PNPLA7: variants seen among roughly 807,000 people sequenced by gnomAD.
The protein encoded by PNPLA7 is patatin like domain 7, lysophospholipase, also known as patatin-like phospholipase domain-containing protein 7.
PNPLA7 carries 153 observed loss-of-function variants against 161.7 expected under a neutral mutation model. The ratio of observed to expected loss-of-function variants is 0.95; its 90% confidence interval spans 0.83 to 1.08. The LOEUF is 1.08. Among genes scored for constraint, PNPLA7 ranks in the 50% least tolerant of loss-of-function variants. The pLI, the probability that PNPLA7 is intolerant of heterozygous loss-of-function variation, is 0.00. For synonymous variants in PNPLA7, 809 were observed against 782.1 expected, an observed-to-expected ratio of 1.03 and a Z score of -0.57; for missense variants, 1,739 against 1,856.6, an observed-to-expected ratio of 0.94 and a Z score of 1.16.
chr9:137,483,381 T>C (rs886104898), intron 21 of PNPLA7, among the ~76,000 whole-genome samples: 1 of 152,368 alleles, frequency 6.6e-6, no homozygotes, highest in African/African-American at 2.4e-5. Flanking sequence ...ATATGTGTCA[T>C]GTAACGACGG....
In PNPLA7 at chr9:137,546,828, A is replaced by G. The variant is rs1182248520; in HGVS notation, c.273+2T>C. 1 of 1,613,596 alleles carries G rather than the reference A, an allele frequency of 6.2e-7. No individual in the cohort carries two copies. Among genetic ancestry groups the G allele is most frequent in the Non-Finnish European group, 8.5e-7 (1 of 1,179,958 alleles). On this transcript the variant is annotated splice_donor_variant, in intron 4 of 34. Coordinates refer to ENST00000406427, the MANE Select transcript of PNPLA7 (RefSeq NM_001098537.3). LOFTEE classifies it high-confidence loss of function. The stretch of plus-strand genomic sequence containing the variant: ...CAGCCTGGGGCCCCGAGCAACAGCT[A>G]CCTTCCTCATGATCTTCCGGCCGTA...
At chr9:137,492,902 AG>A in intron 20 of PNPLA7, 110 bp downstream of exon 20, 2 of 810,422 alleles carry the variant, frequency 2.5e-6, no homozygotes, top group Non-Finnish European at 3.6e-6. Context: ...GCAGGGCTCC[AG>A]GACAGGGCGG....
At chr9:137,535,529 C>G (rs557012261) in intron 8 of PNPLA7, among the ~76,000 whole-genome samples, 4 of 152,112 alleles carry the variant, frequency 2.6e-5, no homozygotes, top group African/African-American at 9.6e-5. Context: ...CCGAGGCAGG[C>G]GGATCACAAG....
Position 137,465,331 on chromosome 9 carries a change from T to C in PNPLA7, c.3040-875A>G, listed in dbSNP as rs978234754. ...CAGGCACACAGCCCCGGCCTCACCTTGCCCCGGCCAGTTCCCAGGGCCCAG... is the reference window on the plus strand; with the variant it reads ...CAGGCACACAGCCCCGGCCTCACCTCGCCCCGGCCAGTTCCCAGGGCCCAG... On this transcript the variant is annotated intron_variant, in intron 26 of 34. Coordinates refer to ENST00000406427, the MANE Select transcript of PNPLA7 (RefSeq NM_001098537.3). Among the ~76,000 whole-genome samples the C allele has an allele frequency of 5.9e-5, 9 of 152,010 alleles. No homozygotes were observed. The East Asian group carries it at 1.7e-3, about 29-fold the overall frequency.
At chr9:137,493,401 C>T (rs1413144814) in intron 19 of PNPLA7, among the ~76,000 whole-genome samples, 1 of 152,254 alleles carries the variant, frequency 6.6e-6, no homozygotes, top group Non-Finnish European at 1.5e-5. Context: ...AGGCAGACAA[C>T]TCCAAGCAAG....
intron 14 of PNPLA7, among the ~76,000 whole-genome samples, chr9:137,504,377 A>G (rs965438120): frequency 6.6e-6 from 1 of 152,168 alleles, no homozygotes; most frequent in Non-Finnish European, 1.5e-5. Flanking sequence ...ACACCCAGCT[A>G]ATTTTTGTAT....
At position 137,521,835 on chromosome 9, in the gene PNPLA7, A is replaced by C. The variant is rs1835009957; in HGVS notation, c.877-119T>G. 5 of 769,262 alleles carry C rather than the reference A, an allele frequency of 6.5e-6. No individual in the cohort carries two copies. In the South Asian group the frequency reaches 9.4e-5, roughly 15 times the overall value. The allele number at this position is 769,262 out of a possible 1,614,324, so 47.7% of individuals were successfully genotyped here. On this transcript the variant is annotated intron_variant, in intron 9 of 34. Coordinates refer to ENST00000406427, the MANE Select transcript of PNPLA7 (RefSeq NM_001098537.3). ...AAACCCTGCAGATGCCACAGACCGA[A>C]CCCTCTCAGGGTGAAAAACCCCGCA...
chr9:137,512,099 T>C (rs1240360595), intron 12 of PNPLA7, among the ~76,000 whole-genome samples: 2 of 152,180 alleles, frequency 1.3e-5, no homozygotes, highest in Non-Finnish European at 2.9e-5. Context: ...CTTAGTCTCG[T>C]GTCTTATTTT....
In PNPLA7 at chr9:137,547,243, A is replaced by G. The variant is rs1836581498; in HGVS notation, c.193+66T>C. 2.5e-5 allele frequency: 38 copies of G among 1,502,712 alleles called. No individual in the cohort carries two copies. The highest frequency in any genetic ancestry group is 3.5e-5 in the Non-Finnish European group (38 of 1,080,942). 93.1% of individuals were successfully genotyped at this position (1,502,712 alleles called of 1,614,324 possible). ...TGAGGGCCCCTCCCAGGGGCTCAAAACACATCCCAAGACACCCACGCTTTC... is the reference window on the plus strand; with the variant it reads ...TGAGGGCCCCTCCCAGGGGCTCAAAGCACATCCCAAGACACCCACGCTTTC... On this transcript the variant is annotated intron_variant, in intron 3 of 34. Transcript: ENST00000406427. The surrounding 1 kb of genome is among the most constrained non-coding windows in gnomAD (Gnocchi z 4.6).
chr9:137,518,746 TCC>T, intron 11 of PNPLA7, among the ~76,000 whole-genome samples: 1 of 52,350 alleles, frequency 1.9e-5, no homozygotes, highest in Non-Finnish European at 3.3e-5. Flanking sequence ...GTCCACTCCA[TCC>T]CCCACTCACT....
chr9:137,500,660 C>A lies in PNPLA7; in HGVS notation c.1757+31G>T, dbSNP rs1833346635. ...GTCTCAGGGCAGGGGGGGCTGGGGC[C>A]CGCCCTGAGGTCCTGGCCCGTGGGA... On this transcript the variant is annotated intron_variant, in intron 16 of 34. Coordinates refer to ENST00000406427, the MANE Select transcript of PNPLA7 (RefSeq NM_001098537.3). This position sits in a 1 kb window ranked among gnomAD's most constrained non-coding sequence, Gnocchi z 5.5. The A allele has an allele frequency of 6.2e-7, 1 of 1,605,152 alleles. No homozygotes were observed. Among genetic ancestry groups the A allele is most frequent in the African/African-American group, 1.3e-5 (1 of 74,748 alleles).
chr9:137,498,261 G>C lies in PNPLA7; in HGVS notation c.1758-16C>G. On this transcript the variant is annotated splice_polypyrimidine_tract_variant and intron_variant, in intron 16 of 34. Coordinates refer to ENST00000406427, the MANE Select transcript of PNPLA7 (RefSeq NM_001098537.3). ...CCGCATGATTCTGCCGGGCAGCCCA[G>C]AGTCAATCCTGCCCCATCCCTCCAA... The C allele has an allele frequency of 6.2e-7, 1 of 1,608,286 alleles. No individual in the cohort carries two copies. The highest frequency in any genetic ancestry group is 1.3e-5 in the African/African-American group (1 of 75,066).
rs773557693 is a variant in PNPLA7 at position 137,540,852 on chromosome 9, G to C, written c.667-130C>G. The C allele has an allele frequency of 2.0e-5, 15 of 762,880 alleles. No individual in the cohort carries two copies. Among genetic ancestry groups the C allele is most frequent in the African/African-American group, 6.9e-5 (4 of 57,950 alleles). The allele number at this position is 762,880 out of a possible 1,614,324, so 47.3% of individuals were successfully genotyped here. A position where few individuals can be genotyped will look rare whatever the true frequency, so the allele number is the denominator to read the frequency against. On this transcript the variant is annotated intron_variant, in intron 7 of 34. Coordinates refer to ENST00000406427, the MANE Select transcript of PNPLA7 (RefSeq NM_001098537.3). This position sits in a 1 kb window ranked among gnomAD's most constrained non-coding sequence, Gnocchi z 5.1. ...CTCTGAGGCGCCATGAGAGCAGCAGGCACCTTGGATGGAGGGCAGGGGACA... is the reference window on the plus strand; with the variant it reads ...CTCTGAGGCGCCATGAGAGCAGCAGCCACCTTGGATGGAGGGCAGGGGACA...
At chr9:137,469,888 A>G (rs1304005468) in intron 25 of PNPLA7, among the ~76,000 whole-genome samples, 1 of 152,248 alleles carries the variant, frequency 6.6e-6, no homozygotes, top group East Asian at 1.9e-4. Flanking sequence ...AATACTGAAC[A>G]GCTTCATGCC....
chr9:137,531,490 G>A (rs1325498118), intron 8 of PNPLA7, among the ~76,000 whole-genome samples: 1 of 152,180 alleles, frequency 6.6e-6, no homozygotes, highest in Non-Finnish European at 1.5e-5. Flanking sequence ...CAGCTCCTCT[G>A]GCAGGCAGGG....
rs561627684 is a variant in PNPLA7, at chr9:137,505,982, C to T, written c.1326+1G>A. On this transcript the variant is annotated splice_donor_variant, in intron 13 of 34. Transcript: ENST00000406427. LOFTEE classifies it high-confidence loss of function. ...GGGTGAGAATGACAGCCAGGGCCTA[C>T]CTTGCTGGCCACGGAGCTCCCGGGG... 91 of 1,607,654 alleles carry T rather than the reference C, an allele frequency of 5.7e-5. 1 individual carries two copies. The South Asian group carries it at 9.5e-4, about 17-fold the overall frequency.
At position 137,462,285 on chromosome 9, in the gene PNPLA7, C is replaced by T. The variant is rs893685420; in HGVS notation, c.3539G>A (p.Cys1180Tyr). 6.2e-7 allele frequency: 1 copy of T among 1,611,848 alleles called. No homozygotes were observed. Among genetic ancestry groups the T allele is most frequent in the Non-Finnish European group, 8.5e-7 (1 of 1,179,290 alleles). The change falls in exon 31 of 35, where the codon TGC becomes TAC. Residue 1180 changes from cysteine (C) to tyrosine (Y), a missense_variant. By Grantham distance (194) the Cys-to-Tyr change is radical (BLOSUM62 -2). This residue lies in a region of PNPLA7 where 703 missense variants were observed against 694.6 expected (regional missense o/e 1.01). Transcript: ENST00000406427. ...EIQTRLAYVCCVRQLEVVKSS... is the reference protein window; with the variant it reads ...EIQTRLAYVCYVRQLEVVKSS... ...CTTCACCACCTCCAGCTGCCGCACGCAACACACGTAGGCCAGGCGCGTCTG... is the reference window on the plus strand; with the variant it reads ...CTTCACCACCTCCAGCTGCCGCACGTAACACACGTAGGCCAGGCGCGTCTG...
At chr9:137,531,998 C>T (rs1402151284) in intron 8 of PNPLA7, among the ~76,000 whole-genome samples, 1 of 152,218 alleles carries the variant, frequency 6.6e-6, no homozygotes, top group Non-Finnish European at 1.5e-5. Context: ...AACTACGAGG[C>T]TCAGCAATCT....
In PNPLA7 at chr9:137,467,941, C is replaced by T. The variant is rs958760535; in HGVS notation, c.2883-468G>A. 6.6e-6 allele frequency among the ~76,000 whole-genome samples: 1 copy of T among 152,092 alleles called. No individual in the cohort carries two copies. Among genetic ancestry groups the T allele is most frequent in the Non-Finnish European group, 1.5e-5 (1 of 68,018 alleles). The stretch of plus-strand genomic sequence containing the variant: ...AATTAATTAAATAAATGAAATCCTT[C>T]CTTCTGGAGGTACTGAGGGACTGTG... On this transcript the variant is annotated intron_variant, in intron 25 of 34. Coordinates refer to ENST00000406427, the MANE Select transcript of PNPLA7 (RefSeq NM_001098537.3). This position sits in a 1 kb window ranked among gnomAD's most constrained non-coding sequence, Gnocchi z 5.1.
Sources: gnomAD v4.1 joint callset for allele counts (sites outside exome capture counted in the v4.1 genomes callset) on GRCh38, gnomAD v4.1.1 for gene constraint, gnomAD v4.1.1 regional missense constraint, Gnocchi (gnomAD v3.1) non-coding constraint, MANE v1.5 for transcripts, NCBI Gene and HGNC (gene_info 2026-07-23, HGNC 2026-07-21) for gene names.